ZBTB48: variants seen among roughly 807,000 people sequenced by gnomAD.
ZBTB48 encodes zinc finger and BTB domain-containing protein 48.
Under a neutral mutation model 64.5 loss-of-function variants are expected in ZBTB48, and 35 were observed. The observed-to-expected ratio is 0.54, with a 90% CI of 0.41 to 0.72. ZBTB48 has a LOEUF of 0.72. Ranked by LOEUF, ZBTB48 falls within the 30% of genes least tolerant of loss-of-function variation. The probability of loss-of-function intolerance (pLI) is 0.00; values close to 1 mark genes in which losing one functional copy is unlikely to be tolerated. For synonymous variants in ZBTB48, 442 were observed against 356.7 expected (o/e 1.24, Z -2.70); for missense variants, 828 against 895.3 (o/e 0.92, Z 0.96).
In ZBTB48 at chr1:6,589,008, G is replaced by C; in HGVS notation, c.1863G>C (p.Glu621Asp). Residue 621 changes from glutamate to aspartate, a missense_variant, in exon 11 of 11, where the codon GAG becomes GAC. Transcript: ENST00000377674. ...RKLRNLIIEDEKMVVVALQPP... is the reference protein window; with the variant it reads ...RKLRNLIIEDDKMVVVALQPP... Reference sequence around the variant, plus strand: ...TCCGCAACCTGATCATCGAGGACGAGAAGATGGTGGTGGTGGCGCTGCAGC... The same window carrying C: ...TCCGCAACCTGATCATCGAGGACGACAAGATGGTGGTGGTGGCGCTGCAGC... The C allele has an allele frequency of 6.3e-7, 1 of 1,596,916 alleles. No individual in the cohort carries two copies. Among genetic ancestry groups the C allele is most frequent in the Non-Finnish European group, 8.5e-7 (1 of 1,170,034 alleles).
At chr1:6,585,475 A>C (rs1640624631) in intron 3 of ZBTB48, 1 of 183,878 alleles carries the variant, frequency 5.4e-6, no homozygotes, top group South Asian at 1.2e-4. Flanking sequence ...TGGGGGAGGC[A>C]GTCACGGAGC....
Position 6,588,955 on chromosome 1 carries a change from G to T in ZBTB48, c.1810G>T (p.Glu604Ter). 6.2e-7 allele frequency: 1 copy of T among 1,609,004 alleles called. No individual in the cohort carries two copies. The highest frequency in any genetic ancestry group is 1.1e-5 in the South Asian group (1 of 90,776). The change falls in exon 11 of 11, where the codon GAG becomes TAG. Residue 604 changes from glutamate (E) to a stop codon, truncating the protein, a stop_gained. Coordinates refer to ENST00000377674, the MANE Select transcript of ZBTB48 (RefSeq NM_005341.4). LOFTEE classifies it high-confidence loss of function. Reference sequence around the variant, plus strand: ...GCACATGGAGATCCACGACCGGGTAGAGAACTACAACCCGCGGCAGCGCAA... The same window carrying T: ...GCACATGGAGATCCACGACCGGGTATAGAACTACAACCCGCGGCAGCGCAA... ...RRHMEIHDRV[E>*]NYNPRQRKLR...
At position 6,585,993 on chromosome 1, in the gene ZBTB48, A is replaced by G. The variant is rs1640649820; in HGVS notation, c.1007A>G (p.Glu336Gly). 2 of 1,613,982 alleles carry G rather than the reference A, an allele frequency of 1.2e-6. No individual in the cohort carries two copies. Among genetic ancestry groups the G allele is most frequent in the Non-Finnish European group, 1.7e-6 (2 of 1,179,988 alleles). Reference protein sequence around the residue: ...KCYFRKENLLEHEARNCMNRS... With the variant: ...KCYFRKENLLGHEARNCMNRS... ...TACTTTCGGAAGGAGAACCTCCTGG[A>G]GCATGAAGCCCGGAATTGCATGAAC... Residue 336 changes from glutamate (E) to glycine (G), a missense_variant, in exon 4 of 11, where the codon GAG becomes GGG. Glu to Gly is a moderately conservative substitution (Grantham distance 98). Coordinates refer to ENST00000377674, the MANE Select transcript of ZBTB48 (RefSeq NM_005341.4).
Position 6,581,098 on chromosome 1 carries a change from T to C in ZBTB48, c.489T>C (p.Asp163=), listed in dbSNP as rs1392775786. 1 of 1,612,828 alleles carries C rather than the reference T, an allele frequency of 6.2e-7. No individual in the cohort carries two copies. Among genetic ancestry groups the C allele is most frequent in the Non-Finnish European group, 8.5e-7 (1 of 1,179,820 alleles). Residue 163 remains aspartate, a synonymous_variant, in exon 2 of 11, where the codon GAT becomes GAC. Coordinates refer to ENST00000377674, the MANE Select transcript of ZBTB48 (RefSeq NM_005341.4). ...GGACTCTGGGTCTAGTCCCCAGGGATCAGGAGCCCAGAGGCAGTCATAGTC... is the reference window on the plus strand; with the variant it reads ...GGACTCTGGGTCTAGTCCCCAGGGACCAGGAGCCCAGAGGCAGTCATAGTC... ...VSRTLGLVPR[D]QEPRGSHSPQ... is the part of the protein sequence containing the mutation.
In ZBTB48 at chr1:6,587,699, A is replaced by G; in HGVS notation, c.1379+67A>G. ...CAGCCCAGGCTTGCACCGGCAGGGA[A>G]GACAGAGTTTGCTGACTTTTACACA... On this transcript the variant is annotated intron_variant, in intron 7 of 10. Transcript: ENST00000377674. The G allele has an allele frequency of 1.9e-6, 3 of 1,592,462 alleles. No homozygotes were observed. In the South Asian group the frequency reaches 3.4e-5, roughly 18 times the overall value.
At chr1:6,583,325 G>A (rs561391118) in intron 3 of ZBTB48, among the ~76,000 whole-genome samples, 8 of 151,218 alleles carry the variant, frequency 5.3e-5, no homozygotes, top group Non-Finnish European at 7.4e-5. Flanking sequence ...TTTTTGAGAC[G>A]GAGTCTCACT....
chr1:6,588,183 C>G lies in ZBTB48; in HGVS notation c.1503C>G (p.Thr501=). Residue 501 remains threonine, a synonymous_variant, in exon 8 of 11, where the codon ACC becomes ACG. Coordinates refer to ENST00000377674, the MANE Select transcript of ZBTB48 (RefSeq NM_005341.4). ...KPFQCHLCGK[T]FRTQASLDKH... The stretch of plus-strand genomic sequence containing the variant: ...TCCAGTGCCACCTCTGTGGCAAGAC[C>G]TTCCGAACCCAAGGTGAGGTACGCC... 1.2e-6 allele frequency: 2 copies of G among 1,614,134 alleles called. No homozygotes were observed. Among genetic ancestry groups the G allele is most frequent in the East Asian group, 2.2e-5 (1 of 44,884 alleles).
At chr1:6,587,750 C>G in intron 7 of ZBTB48, 118 bp downstream of exon 7, 1 of 1,475,614 alleles carries the variant, frequency 6.8e-7, no homozygotes, top group South Asian at 1.3e-5. Context: ...GGCCTCCACC[C>G]TGAATCTAGT....
In ZBTB48 at chr1:6,581,147, C is replaced by T; in HGVS notation, c.538C>T (p.Pro180Ser). The change falls in exon 2 of 11, where the codon CCA becomes TCA. Residue 180 changes from proline to serine, a missense_variant. Coordinates refer to ENST00000377674, the MANE Select transcript of ZBTB48 (RefSeq NM_005341.4). The part of the protein sequence containing the change: ...HSPQRPQLHS[P>S]AQSEGPSSLC... ...TCCTCAGAGGCCCCAGCTCCATTCCCCAGCTCAGAGTGAGGGCCCCTCCTC... is the reference window on the plus strand; with the variant it reads ...TCCTCAGAGGCCCCAGCTCCATTCCTCAGCTCAGAGTGAGGGCCCCTCCTC... 1 of 1,613,508 alleles carries T rather than the reference C, an allele frequency of 6.2e-7. No homozygotes were observed. Among genetic ancestry groups the T allele is most frequent in the South Asian group, 1.1e-5 (1 of 91,078 alleles).
In ZBTB48 at chr1:6,580,599, C is replaced by T; in HGVS notation, c.-11C>T. 4 of 1,600,574 alleles carry T rather than the reference C, an allele frequency of 2.5e-6. No individual in the cohort carries two copies. Among genetic ancestry groups the T allele is most frequent in the Non-Finnish European group, 3.4e-6 (4 of 1,170,722 alleles). On this transcript the variant is annotated 5_prime_UTR_variant, in exon 2 of 11. Coordinates refer to ENST00000377674, the MANE Select transcript of ZBTB48 (RefSeq NM_005341.4). The surrounding 1 kb of genome is among the most constrained non-coding windows in gnomAD (Gnocchi z 5.2). Reference sequence around the variant, plus strand: ...CCGGGGTGTCACTTCTGCCTCCCTGCCCTCCAGACCATGGACGGCTCCTTC... The same window carrying T: ...CCGGGGTGTCACTTCTGCCTCCCTGTCCTCCAGACCATGGACGGCTCCTTC...
Position 6,588,075 on chromosome 1 carries a change from C to G in ZBTB48, c.1395C>G (p.His465Gln), listed in dbSNP as rs758041370. 1.2e-6 allele frequency: 2 copies of G among 1,614,144 alleles called. No homozygotes were observed. The highest frequency in any genetic ancestry group is 1.1e-5 in the South Asian group (1 of 91,080). ...ACCTTAACAGGAATGAGAGGCCACA[C>G]GTATGTGAGTTCTGCAGCCACGCCT... ...IKAKHRNERP[H>Q]VCEFCSHAFT... Residue 465 changes from histidine (H) to glutamine (Q), a missense_variant, in exon 8 of 11, where the codon CAC becomes CAG. His to Gln is a conservative substitution (Grantham distance 24). Coordinates refer to ENST00000377674, the MANE Select transcript of ZBTB48 (RefSeq NM_005341.4).
chr1:6,586,697 C>T lies in ZBTB48; in HGVS notation c.1047C>T (p.Val349=). The T allele has an allele frequency of 6.4e-7, 1 of 1,551,118 alleles. No individual in the cohort carries two copies. The highest frequency in any genetic ancestry group is 1.2e-5 in the South Asian group (1 of 80,788). ...CTGCTTGCCCCTCACACTGCCAGGTCTTCACGTGCTCTGTGTGCCAGGAGA... is the reference window on the plus strand; with the variant it reads ...CTGCTTGCCCCTCACACTGCCAGGTTTTCACGTGCTCTGTGTGCCAGGAGA... The part of the protein sequence containing the change: ...ARNCMNRSEQ[V]FTCSVCQETF... The change falls in exon 5 of 11, where the codon GTC becomes GTT. Residue 349 remains valine (V), a splice_region_variant and synonymous_variant. Coordinates refer to ENST00000377674, the MANE Select transcript of ZBTB48 (RefSeq NM_005341.4).
chr1:6,584,376 G>A lies in ZBTB48; in HGVS notation c.933-1543G>A, dbSNP rs1640584219. Among the ~76,000 whole-genome samples, 2 of 152,364 alleles carry A rather than the reference G, an allele frequency of 1.3e-5. No individual in the cohort carries two copies. Among genetic ancestry groups the A allele is most frequent in the South Asian group, 4.1e-4 (2 of 4,830 alleles). On this transcript the variant is annotated intron_variant, in intron 3 of 10. Coordinates refer to ENST00000377674, the MANE Select transcript of ZBTB48 (RefSeq NM_005341.4). The surrounding 1 kb of genome is among the most constrained non-coding windows in gnomAD (Gnocchi z 4.5). ...ATCATCGTGGAGAATCCCCTTGGGCGGCACTGCTTTGGAGTCCCTGCAAGG... is the reference window on the plus strand; with the variant it reads ...ATCATCGTGGAGAATCCCCTTGGGCAGCACTGCTTTGGAGTCCCTGCAAGG...
Position 6,588,098 on chromosome 1 carries a change from C to T in ZBTB48, c.1418C>T (p.Ala473Val), listed in dbSNP as rs779874341. ...CACGTATGTGAGTTCTGCAGCCACG[C>T]CTTCACCCAAAAGGCCAATCTCAAC... ...RPHVCEFCSH[A>V]FTQKANLNMH... The change falls in exon 8 of 11, where the codon GCC (alanine) becomes GTC (valine). Residue 473 changes from alanine (A) to valine (V), a missense_variant. By Grantham distance (64) the Ala-to-Val change is moderately conservative. Transcript: ENST00000377674. The T allele has an allele frequency of 6.2e-7, 1 of 1,614,188 alleles. No individual in the cohort carries two copies. Among genetic ancestry groups the T allele is most frequent in the South Asian group, 1.1e-5 (1 of 91,084 alleles).
rs201115840 is a variant in ZBTB48, at chr1:6,581,244, T to G, written c.635T>G (p.Val212Gly). The G allele has an allele frequency of 1.2e-6, 2 of 1,612,358 alleles. No homozygotes were observed. The highest frequency in any genetic ancestry group is 2.7e-5 in the African/African-American group (2 of 74,866). ...GACAAGAAACCCGAGGACTGCAAAGTGCCCCCAAGGCCCTTAGAGGCTGAA... is the reference window on the plus strand; with the variant it reads ...GACAAGAAACCCGAGGACTGCAAAGGGCCCCCAAGGCCCTTAGAGGCTGAA... ...LEDKKPEDCK[V>G]PPRPLEAEGA... The change falls in exon 2 of 11, where the codon GTG becomes GGG. Residue 212 changes from valine (V) to glycine (G), a missense_variant. Transcript: ENST00000377674.
At chr1:6,581,989 C>A in intron 2 of ZBTB48, 69 bp from the exon 3 acceptor site, 1 of 1,590,304 alleles carries the variant, frequency 6.3e-7, no homozygotes. Context: ...GGAACTGGAG[C>A]TGGGTCCCTA....
chr1:6,580,801 C>T lies in ZBTB48; in HGVS notation c.192C>T (p.Val64=). Residue 64 remains valine, a synonymous_variant, in exon 2 of 11, where the codon GTC becomes GTT. Transcript: ENST00000377674. The surrounding 1 kb of genome is among the most constrained non-coding windows in gnomAD (Gnocchi z 5.2). ...LYGDGSGGSV[V]LPAGFAEIFG... ...GGGATGGCTCAGGGGGCAGTGTCGT[C>T]CTCCCTGCTGGCTTCGCTGAGATCT... The T allele has an allele frequency of 3.1e-6, 5 of 1,614,248 alleles. No homozygotes were observed. The Middle Eastern group carries it at 6.6e-4, about 213-fold the overall frequency.
At chr1:6,586,241 G>C in intron 4 of ZBTB48, 1 of 590,880 alleles carries the variant, frequency 1.7e-6, no homozygotes. Context: ...GAGGGACTCT[G>C]TGGGAGGCAT....
rs141769879 is a variant in ZBTB48, at chr1:6,588,096, C to T, written c.1416C>T (p.His472=). 26 of 1,614,046 alleles carry T rather than the reference C, an allele frequency of 1.6e-5. No individual in the cohort carries two copies. Among genetic ancestry groups the T allele is most frequent in the African/African-American group, 5.3e-5 (4 of 74,926 alleles). The change falls in exon 8 of 11, where the codon CAC becomes CAT. Residue 472 remains histidine, a synonymous_variant. Coordinates refer to ENST00000377674, the MANE Select transcript of ZBTB48 (RefSeq NM_005341.4). ...CACACGTATGTGAGTTCTGCAGCCA[C>T]GCCTTCACCCAAAAGGCCAATCTCA... ...ERPHVCEFCS[H]AFTQKANLNM... is the part of the protein sequence containing the mutation.
Sources: allele counts gnomAD v4.1 joint callset (sites outside exome capture counted in the v4.1 genomes callset), GRCh38; gene constraint gnomAD v4.1.1; non-coding constraint Gnocchi (gnomAD v3.1); transcripts MANE v1.5; gene names NCBI Gene and HGNC (gene_info 2026-07-23, HGNC 2026-07-21).